The following HAS3 variants were observed in gnomAD, a reference collection of about 807,000 sequenced individuals.
HAS3 encodes the protein HA synthase 3.
In HAS3, 27 loss-of-function variants were observed where a neutral mutation model predicts 50.3. That is an observed-to-expected ratio of 0.54 (90% confidence interval 0.40 to 0.74). The LOEUF is 0.74. Ranked by LOEUF, HAS3 falls within the 30% of genes least tolerant of loss-of-function variation. HAS3 has a pLI of 0.00. For missense variants in HAS3, 517 were observed against 742.8 expected (o/e 0.70, Z 3.53); for synonymous variants, 339 against 310.9 (o/e 1.09, Z -0.95).
At chr16:69,100,770 A>C (rs1374568842), upstream of HAS3, among the ~76,000 whole-genome samples, 1 of 152,188 alleles carries the variant, frequency 6.6e-6, no homozygotes, top group Admixed American at 6.5e-5. Context: ...ATTTCATTGA[A>C]AGGTGAAATC....
At chr16:69,118,109 T>G (rs2152263084), downstream of HAS3, 3 of 519,264 alleles carry the variant, frequency 5.8e-6, no homozygotes. Context: ...GCACAGTGAT[T>G]TCTTCCCTTC....
chr16:69,096,633 T>TC, the HAS3 span, among the ~76,000 whole-genome samples: 1 of 147,378 alleles, frequency 6.8e-6, no homozygotes, highest in Non-Finnish European at 1.5e-5. Context: ...TTTTTTTTTT[T>TC]TGGAGACGGA....
At chr16:69,097,303 C>G in the HAS3 span, among the ~76,000 whole-genome samples, 1 of 151,996 alleles carries the variant, frequency 6.6e-6, no homozygotes, top group African/African-American at 2.4e-5. Flanking sequence ...GGTGAAACCC[C>G]GTCTCTACTA....
At chr16:69,094,169 AATG>A in the HAS3 span, among the ~76,000 whole-genome samples, 2 of 152,112 alleles carry the variant, frequency 1.3e-5, no homozygotes, top group Non-Finnish European at 2.9e-5. Flanking sequence ...TGGTTTATTA[AATG>A]ATGTCAGATT....
At chr16:69,098,126 G>A in the HAS3 span, among the ~76,000 whole-genome samples, 1 of 152,182 alleles carries the variant, frequency 6.6e-6, no homozygotes, top group Non-Finnish European at 1.5e-5. Flanking sequence ...GCTCATGCCT[G>A]TAATCCCAGC....
upstream of HAS3, among the ~76,000 whole-genome samples, chr16:69,105,178 T>TGA (rs924262538): frequency 1.3e-5 from 2 of 151,948 alleles, no homozygotes; most frequent in African/African-American, 4.8e-5. Flanking sequence ...CCGAAAGTGC[T>TGA]GAGATTACAG....
chr16:69,093,468 C>T, the HAS3 span, among the ~76,000 whole-genome samples: 2 of 151,754 alleles, frequency 1.3e-5, no homozygotes, highest in Non-Finnish European at 2.9e-5. Flanking sequence ...TCACCTTGAC[C>T]TCCCAAAGTA....
downstream of HAS3, chr16:69,118,468 T>C: frequency 1.3e-6 from 2 of 1,550,302 alleles, no homozygotes; most frequent in South Asian, 1.1e-5. Context: ...AGTGAGCTGA[T>C]TCTCCAATGG....
chr16:69,103,177 A>C (rs916303915), upstream of HAS3, among the ~76,000 whole-genome samples: 1 of 152,238 alleles, frequency 6.6e-6, no homozygotes, highest in African/African-American at 2.4e-5. Context: ...ATGAGCCTCT[A>C]AACGGAGCGT....
chr16:69,102,031 G>A (rs138685479), upstream of HAS3, among the ~76,000 whole-genome samples: 3,058 of 152,230 alleles, frequency 0.02, 27 homozygotes, highest in Non-Finnish European at 0.027. Flanking sequence ...TGATCCACCT[G>A]CCTCGGCCTC....
At chr16:69,100,478 C>A in the HAS3 span, among the ~76,000 whole-genome samples, 1 of 152,104 alleles carries the variant, frequency 6.6e-6, no homozygotes, top group African/African-American at 2.4e-5. Context: ...AGCTTGGCTG[C>A]CATCCTCCAT....
Position 69,116,239 on chromosome 16 carries a change from C to A in HAS3, c.*973C>A, listed in dbSNP as rs1199012062. On this transcript the variant is annotated 3_prime_UTR_variant, in exon 4 of 4. Transcript: ENST00000569188. ...TTTTGAGGTATCACTGCAGTCACCTCTTCTACCCTCATCATCATAGGTAAG... is the reference window on the plus strand; with the variant it reads ...TTTTGAGGTATCACTGCAGTCACCTATTCTACCCTCATCATCATAGGTAAG... 1.0e-6 allele frequency: 1 copy of A among 985,608 alleles called. No individual in the cohort carries two copies. The highest frequency in any genetic ancestry group is 1.2e-6 in the Non-Finnish European group (1 of 829,936). The allele number at this position is 985,608 out of a possible 1,614,324, so 61.1% of individuals were successfully genotyped here.
In HAS3 at chr16:69,116,133, A is replaced by G. The variant is rs1961170815; in HGVS notation, c.*867A>G. On this transcript the variant is annotated 3_prime_UTR_variant, in exon 4 of 4. Transcript: ENST00000569188. ...TGAAGTCTTGGGTATTTTAACCTGT[A>G]TACTCTTGAATTCCTCTCAAATTCA... is the stretch of plus-strand genomic sequence containing the variant. 1 of 985,410 alleles carries G rather than the reference A, an allele frequency of 1.0e-6. No homozygotes were observed. The highest frequency in any genetic ancestry group is 1.2e-6 in the Non-Finnish European group (1 of 829,852). 61.0% of individuals were successfully genotyped at this position (985,410 alleles called of 1,614,324 possible).
upstream of HAS3, among the ~76,000 whole-genome samples, chr16:69,101,342 C>G (rs2152252040): frequency 6.6e-6 from 1 of 152,258 alleles, no homozygotes; most frequent in East Asian, 1.9e-4. Context: ...ACTCTGTCAC[C>G]CAGGCTGGAG....
Position 69,108,159 on chromosome 16 carries a change from C to T in HAS3, c.1-1237C>T, listed in dbSNP as rs1033968787. Among the ~76,000 whole-genome samples, 74 of 152,134 alleles carry T rather than the reference C, an allele frequency of 4.9e-4. 1 individual carries two copies. Among genetic ancestry groups the T allele is most frequent in the African/African-American group, 1.6e-3 (68 of 41,428 alleles). ...ATAGTGTGGGTCAGAATGGGAAGGC[C>T]GGCAGCCATCCTTGCCACCTTTTCT... On this transcript the variant is annotated intron_variant, in intron 1 of 3. Transcript: ENST00000569188.
At position 69,107,716 on chromosome 16, in the gene HAS3, G is replaced by A; in HGVS notation, c.1-1680G>A. The A allele has an allele frequency of 2.0e-6, 2 of 985,236 alleles. No homozygotes were observed. The highest frequency in any genetic ancestry group is 9.4e-5 in the South Asian group (2 of 21,288). The allele number at this position is 985,236 out of a possible 1,614,324, so 61.0% of individuals were successfully genotyped here. On this transcript the variant is annotated intron_variant, in intron 1 of 3. Transcript: ENST00000569188. The surrounding 1 kb of genome is among the most constrained non-coding windows in gnomAD (Gnocchi z 5.5). ...AGCATGTAAGCTCCGGAGGGGAATGGGGGCGCTCCTAGGCTGCGGATGCAG... is the reference window on the plus strand; with the variant it reads ...AGCATGTAAGCTCCGGAGGGGAATGAGGGCGCTCCTAGGCTGCGGATGCAG...
the HAS3 span, among the ~76,000 whole-genome samples, chr16:69,092,069 AGC>A: frequency 6.6e-6 from 1 of 152,232 alleles, no homozygotes; most frequent in Non-Finnish European, 1.5e-5. Context: ...TAATCCCGTT[AGC>A]CCTCACACTG....
At position 69,107,595 on chromosome 16, in the gene HAS3, G is replaced by A. The variant is rs1192271327; in HGVS notation, c.1-1801G>A. The A allele has an allele frequency of 6.1e-6, 6 of 985,384 alleles. No individual in the cohort carries two copies. Among genetic ancestry groups the A allele is most frequent in the Non-Finnish European group, 7.2e-6 (6 of 829,978 alleles). The allele number at this position is 985,384 out of a possible 1,614,324, so 61.0% of individuals were successfully genotyped here. On this transcript the variant is annotated intron_variant, in intron 1 of 3. Transcript: ENST00000569188. This position sits in a 1 kb window ranked among gnomAD's most constrained non-coding sequence, Gnocchi z 5.5. ...GGCGCCGCCTCCGGCACTGCACCGAGGCGGGGCGCCAGCGCCCAGGTTGCT... is the reference window on the plus strand; with the variant it reads ...GGCGCCGCCTCCGGCACTGCACCGAAGCGGGGCGCCAGCGCCCAGGTTGCT...
the HAS3 span, among the ~76,000 whole-genome samples, chr16:69,085,559 C>T: frequency 6.6e-6 from 1 of 151,726 alleles, no homozygotes; most frequent in African/African-American, 2.4e-5. Flanking sequence ...GCCATTATGC[C>T]TAGCTCTTTA....
Sources: gnomAD v4.1 joint callset for allele counts (sites outside exome capture counted in the v4.1 genomes callset) on GRCh38, gnomAD v4.1.1 for gene constraint, Gnocchi (gnomAD v3.1) non-coding constraint, MANE v1.5 for transcripts, NCBI Gene and HGNC (gene_info 2026-07-23, HGNC 2026-07-21) for gene names.